LINGO2: variants seen among roughly 807,000 people sequenced by gnomAD.
LINGO2 encodes leucine rich repeat and Ig domain containing 2.
Under a neutral mutation model 30.6 loss-of-function variants are expected in LINGO2, and 14 were observed. The observed-to-expected ratio is 0.46, with a 90% CI of 0.30 to 0.72. LINGO2 has a LOEUF of 0.72. Among genes scored for constraint, LINGO2 ranks in the 30% least tolerant of loss-of-function variants. The pLI is 0.07. For missense variants in LINGO2, 729 were observed against 751.7 expected (o/e 0.97, Z 0.35); for synonymous variants, 317 against 288.5 (o/e 1.10, Z -1.00).
At chr9:28,210,886 A>C (rs1225609118) in intron 4 of LINGO2, among the ~76,000 whole-genome samples, 1 of 151,592 alleles carries the variant, frequency 6.6e-6, no homozygotes, top group African/African-American at 2.4e-5. Flanking sequence ...GAGGAACATT[A>C]GCTCCAGAAA....
At chr9:28,824,846 T>G in the LINGO2 span, among the ~76,000 whole-genome samples, 2 of 152,168 alleles carry the variant, frequency 1.3e-5, no homozygotes, top group Admixed American at 6.6e-5. Context: ...GTCACAAGAC[T>G]GGTGTTAAAT....
chr9:28,982,358 G>A, the LINGO2 span, among the ~76,000 whole-genome samples: 19 of 151,990 alleles, frequency 1.3e-4, no homozygotes, highest in African/African-American at 4.3e-4. Context: ...GAGATGCTCA[G>A]GGTGAGAATA....
chr9:29,191,539 G>T, the LINGO2 span, among the ~76,000 whole-genome samples: 1 of 151,594 alleles, frequency 6.6e-6, no homozygotes, highest in Non-Finnish European at 1.5e-5. Flanking sequence ...TTGTTGATCT[G>T]GGTGCTAATT....
At position 28,460,186 on chromosome 9, in the gene LINGO2, A is replaced by G. The variant is rs77856728; in HGVS notation, c.-279+15754T>C. 8.2e-3 allele frequency among the ~76,000 whole-genome samples: 1,254 copies of G among 152,238 alleles called. 18 individuals carry two copies. The highest frequency in any genetic ancestry group is 0.027 in the African/African-American group (1,122 of 41,556). On this transcript the variant is annotated intron_variant, in intron 2 of 5. Coordinates refer to ENST00000379992, the Ensembl canonical transcript of LINGO2. The stretch of plus-strand genomic sequence containing the variant: ...TTAAACAGACTTACTGCCTCTTTCT[A>G]ACTCCCTGCAGTCTGGAAAACCAGT...
chr9:28,306,870 T>C (rs1309417808), intron 3 of LINGO2, among the ~76,000 whole-genome samples: 1 of 152,046 alleles, frequency 6.6e-6, no homozygotes, highest in Admixed American at 6.6e-5. Flanking sequence ...CTTCCCAAGA[T>C]TAAACCACGA....
chr9:28,383,199 C>T (rs1821422678), intron 2 of LINGO2, among the ~76,000 whole-genome samples: 1 of 151,448 alleles, frequency 6.6e-6, no homozygotes, highest in African/African-American at 2.4e-5. Flanking sequence ...ACGTGGGTTG[C>T]TAGCAGCACT....
rs908140041 is a variant in LINGO2 at position 27,966,373 on chromosome 9, C to T, written c.-35-15667G>A. On this transcript the variant is annotated intron_variant, in intron 5 of 5. Coordinates refer to ENST00000379992, the Ensembl canonical transcript of LINGO2. ...GAAATACATGCCTCAATATACACCA[C>T]GGAATACTATGCAGCCATAAAAAAG... 9.2e-5 allele frequency among the ~76,000 whole-genome samples: 14 copies of T among 152,054 alleles called. 1 individual carries two copies. The highest frequency in any genetic ancestry group is 4.6e-4 in the Admixed American group (7 of 15,262).
At chr9:28,879,078 A>T in the LINGO2 span, among the ~76,000 whole-genome samples, 1 of 152,144 alleles carries the variant, frequency 6.6e-6, no homozygotes, top group African/African-American at 2.4e-5. Context: ...TGATTGTACA[A>T]CTAGAAAACC....
At chr9:27,951,503 G>A (rs577194617) in intron 5 of LINGO2, among the ~76,000 whole-genome samples, 2 of 152,222 alleles carry the variant, frequency 1.3e-5, no homozygotes, top group Admixed American at 1.3e-4. Flanking sequence ...TTCAGAAAAA[G>A]TATCATTTAA....
chr9:28,476,395 C>T (rs1257676026), intron 1 of LINGO2, among the ~76,000 whole-genome samples: 2 of 152,176 alleles, frequency 1.3e-5, no homozygotes, highest in Admixed American at 1.3e-4. Context: ...CCTGCCTCAG[C>T]CTCCCGAGTA....
At chr9:28,689,102 C>T in the LINGO2 span, among the ~76,000 whole-genome samples, 1 of 152,178 alleles carries the variant, frequency 6.6e-6, no homozygotes, top group East Asian at 1.9e-4. Context: ...TACAGTTGCT[C>T]TAGTCTGCTC....
the LINGO2 span, among the ~76,000 whole-genome samples, chr9:28,703,012 C>CT: frequency 9.5e-3 from 1,441 of 150,900 alleles, 32 homozygotes; most frequent in East Asian, 0.083. Context: ...TAATTTTTAT[C>CT]TTTTTTTTTC....
At chr9:28,394,658 G>A (rs898468677) in intron 2 of LINGO2, among the ~76,000 whole-genome samples, 4 of 152,142 alleles carry the variant, frequency 2.6e-5, no homozygotes, top group African/African-American at 9.7e-5. Flanking sequence ...AAGATGTATG[G>A]GGGTAGGTAG....
intron 4 of LINGO2, among the ~76,000 whole-genome samples, chr9:28,227,427 A>G (rs1821208418): frequency 6.6e-6 from 1 of 152,026 alleles, no homozygotes. Flanking sequence ...GCTATAATTT[A>G]TGTCTCATTT....
the LINGO2 span, among the ~76,000 whole-genome samples, chr9:29,024,800 T>C: frequency 6.6e-6 from 1 of 152,154 alleles, no homozygotes; most frequent in African/African-American, 2.4e-5. Flanking sequence ...TTTGCTGAGA[T>C]GTATGCTGAA....
At chr9:28,776,081 T>C in the LINGO2 span, among the ~76,000 whole-genome samples, 89 of 152,220 alleles carry the variant, frequency 5.8e-4, no homozygotes, top group Non-Finnish European at 1.0e-3. Context: ...AACAACATGG[T>C]TTTGAGGATC....
chr9:28,224,427 A>C (rs1216246282), intron 4 of LINGO2, among the ~76,000 whole-genome samples: 2 of 152,222 alleles, frequency 1.3e-5, no homozygotes, highest in South Asian at 4.1e-4. Context: ...ATTTTGATAC[A>C]TTCATATAAT....
At chr9:28,095,658 T>C (rs1161142435) in intron 4 of LINGO2, among the ~76,000 whole-genome samples, 2 of 152,060 alleles carry the variant, frequency 1.3e-5, no homozygotes, top group Non-Finnish European at 2.9e-5. Context: ...GGGCAAGGAC[T>C]TCATGTCTAA....
intron 1 of LINGO2, among the ~76,000 whole-genome samples, chr9:28,503,913 T>C (rs1247864491): frequency 6.6e-6 from 1 of 151,698 alleles, no homozygotes; most frequent in African/African-American, 2.4e-5. Context: ...AAATAAGATA[T>C]TAGGAAAGGT....
Sources: gnomAD v4.1 joint callset for allele counts (sites outside exome capture counted in the v4.1 genomes callset) on GRCh38, gnomAD v4.1.1 for gene constraint, MANE v1.5 for transcripts, NCBI Gene and HGNC (gene_info 2026-07-23, HGNC 2026-07-21) for gene names.